The following BNIP3L variants were observed in gnomAD, a reference collection of about 807,000 sequenced individuals.
BNIP3L encodes the protein BCL2 interacting protein 3 like, also known as BCL2/adenovirus E1B 19 kDa protein-interacting protein 3-like.
In BNIP3L, 10 loss-of-function variants were observed where a neutral mutation model predicts 25.5. That is an observed-to-expected ratio of 0.39 (90% CI 0.24 to 0.67). The LOEUF (loss-of-function observed/expected upper bound fraction) is 0.67, where lower values mean the gene tolerates loss of function less well. Ranked by LOEUF, BNIP3L falls within the 30% of genes least tolerant of loss-of-function variation. BNIP3L has a pLI of 0.45. For missense variants in BNIP3L, 215 were observed against 270.9 expected (o/e 0.79, Z 1.45); for synonymous variants, 113 against 101.2 (o/e 1.12, Z -0.70).
chr8:26,402,445 G>GA, intron 3 of BNIP3L, among the ~76,000 whole-genome samples: 1 of 152,164 alleles, frequency 6.6e-6, no homozygotes, highest in East Asian at 1.9e-4. Context: ...TCCTGAGGAG[G>GA]ATTTCTTCAA....
At chr8:26,390,343 T>TG in intron 1 of BNIP3L, 1 of 984,568 alleles carries the variant, frequency 1.0e-6, no homozygotes, top group South Asian at 4.7e-5. Context: ...GAATTACCAG[T>TG]GGCACATCCC....
rs553762945 is a variant in BNIP3L, at chr8:26,403,193, C to T, written c.358-4807C>T. Among the ~76,000 whole-genome samples the T allele has an allele frequency of 1.6e-3, 250 of 152,102 alleles. 1 individual carries two copies. Among genetic ancestry groups the T allele is most frequent in the Non-Finnish European group, 2.9e-3 (200 of 67,998 alleles). On this transcript the variant is annotated intron_variant, in intron 3 of 5. Transcript: ENST00000380629. The stretch of plus-strand genomic sequence containing the variant: ...AAGAGTTTGGAAAGACAGCCTAACC[C>T]CTGTGAGAGATAACAGTTGAGTAGG...
In BNIP3L at chr8:26,412,830, G is replaced by A. The variant is rs1806660519; in HGVS notation, c.*2418G>A. 6.6e-6 allele frequency: 1 copy of A among 152,600 alleles called. No homozygotes were observed. Among genetic ancestry groups the A allele is most frequent in the Non-Finnish European group, 1.5e-5 (1 of 68,034 alleles). The allele number at this position is 152,600 out of a possible 1,614,324, so 9.5% of individuals were successfully genotyped here. On this transcript the variant is annotated 3_prime_UTR_variant, in exon 6 of 6. Transcript: ENST00000380629. ...TGTTTGATGAAAACTGGCTCAAGATGTTTGTAAATAGAATCAAGAGCAAAA... is the reference window on the plus strand; with the variant it reads ...TGTTTGATGAAAACTGGCTCAAGATATTTGTAAATAGAATCAAGAGCAAAA...
intron 2 of BNIP3L, among the ~76,000 whole-genome samples, chr8:26,393,790 TG>T (rs1417984902): frequency 6.6e-6 from 1 of 152,152 alleles, no homozygotes; most frequent in Non-Finnish European, 1.5e-5. Context: ...GGTTGACTCC[TG>T]TGCTAGTTCA....
rs985592342 is a variant in BNIP3L at position 26,411,795 on chromosome 8, CAT to C, written c.*1384_*1385del. On this transcript the variant is annotated 3_prime_UTR_variant, in exon 6 of 6. Coordinates refer to ENST00000380629, the MANE Select transcript of BNIP3L (RefSeq NM_004331.3). Reference sequence around the variant, plus strand: ...TCTAGCATGACTCTGAAGGATACCACATGTTTTATATATAAATAATTACTGTT... The same window carrying C: ...TCTAGCATGACTCTGAAGGATACCACGTTTTATATATAAATAATTACTGTT... 5 of 152,590 alleles carry C rather than the reference CAT, an allele frequency of 3.3e-5. No homozygotes were observed. In the South Asian group the frequency reaches 6.2e-4, roughly 19 times the overall value. The allele number at this position is 152,590 out of a possible 1,614,324, so 9.5% of individuals were successfully genotyped here.
At chr8:26,403,774 A>T (rs534661830) in intron 3 of BNIP3L, among the ~76,000 whole-genome samples, 24 of 152,144 alleles carry the variant, frequency 1.6e-4, no homozygotes, top group African/African-American at 5.8e-4. Flanking sequence ...TCCTGGCCTC[A>T]AATGATCCTC....
chr8:26,407,247 G>A (rs1270819329), intron 3 of BNIP3L, among the ~76,000 whole-genome samples: 4 of 150,872 alleles, frequency 2.7e-5, no homozygotes, highest in Non-Finnish European at 2.9e-5. Context: ...GTGTAGTGGC[G>A]CGATCTCTGC....
chr8:26,383,296 C>G, intron 1 of BNIP3L, 66 bp downstream of exon 1: 5 of 1,548,752 alleles, frequency 3.2e-6, no homozygotes, highest in African/African-American at 1.4e-5. Flanking sequence ...CCGCCGCCAC[C>G]GGCGCGGCGC....
intron 2 of BNIP3L, 137 bp downstream of exon 2, chr8:26,391,563 T>C: frequency 1.5e-6 from 1 of 654,126 alleles, no homozygotes; most frequent in Non-Finnish European, 2.3e-6. Context: ...TAATATATAT[T>C]GCACAGATAT....
At chr8:26,391,193 A>C (rs751582559) in intron 1 of BNIP3L, 50 bp from the exon 2 acceptor site, 8 of 1,489,482 alleles carry the variant, frequency 5.4e-6, no homozygotes, top group Non-Finnish European at 7.3e-6. Flanking sequence ...CTGTGTGCAC[A>C]TGACAGATTT....
intron 1 of BNIP3L, 26 bp from the exon 2 acceptor site, chr8:26,391,217 G>T (rs756421072): frequency 3.2e-6 from 5 of 1,550,878 alleles, no homozygotes; most frequent in Non-Finnish European, 4.4e-6. Flanking sequence ...TTCTGCTGTG[G>T]TTAACTTATC....
chr8:26,409,595 TG>T (rs1806575918), intron 5 of BNIP3L, among the ~76,000 whole-genome samples: 1 of 152,148 alleles, frequency 6.6e-6, no homozygotes, highest in Non-Finnish European at 1.5e-5. Context: ...GGGGTTGATG[TG>T]GGGCAGGTGT....
chr8:26,400,882 G>C (rs1319199411), intron 3 of BNIP3L, among the ~76,000 whole-genome samples: 1 of 140,208 alleles, frequency 7.1e-6, no homozygotes, highest in Non-Finnish European at 1.5e-5. Context: ...TCTCACACCA[G>C]TTAGAATGGC....
rs947935622 is a variant in BNIP3L at position 26,410,226 on chromosome 8, G to A, written c.612-138G>A. 4.5e-5 allele frequency: 38 copies of A among 851,102 alleles called. No homozygotes were observed. The African/African-American group carries it at 5.1e-4, about 11-fold the overall frequency. The allele number at this position is 851,102 out of a possible 1,614,324, so 52.7% of individuals were successfully genotyped here. On this transcript the variant is annotated intron_variant, in intron 5 of 5. Transcript: ENST00000380629. ...TTAAGAAAGTCAGTGATGATTTCAC[G>A]GTGTTTGGGGAGCGGTACCCACAAA... is the stretch of plus-strand genomic sequence containing the variant.
intron 5 of BNIP3L, 40 bp from the exon 6 acceptor site, chr8:26,410,324 G>A: frequency 1.9e-6 from 3 of 1,612,754 alleles, no homozygotes; most frequent in Middle Eastern, 1.7e-4. Context: ...GTATAGAACT[G>A]TTGAAACAGG....
At chr8:26,390,569 G>A (rs1225005502) in intron 1 of BNIP3L, 1 of 980,150 alleles carries the variant, frequency 1.0e-6, no homozygotes, top group African/African-American at 1.8e-5. Context: ...GAGATACAAA[G>A]GAAATGAAGA....
chr8:26,393,120 A>G (rs1318455910), intron 2 of BNIP3L, among the ~76,000 whole-genome samples: 2 of 151,912 alleles, frequency 1.3e-5, no homozygotes, highest in African/African-American at 2.4e-5. Context: ...GGGATAGCCT[A>G]CTAACACGCT....
chr8:26,395,029 C>A (rs964442161), intron 2 of BNIP3L, among the ~76,000 whole-genome samples: 31 of 152,148 alleles, frequency 2.0e-4, no homozygotes, highest in African/African-American at 7.0e-4. Context: ...AAGTGCAGAA[C>A]ATTTTGGGAG....
intron 3 of BNIP3L, among the ~76,000 whole-genome samples, chr8:26,404,876 AATTAG>A (rs1806464429): frequency 6.6e-6 from 1 of 152,218 alleles, no homozygotes; most frequent in African/African-American, 2.4e-5. Flanking sequence ...AATCTTACGT[AATTAG>A]ATTAAGTACA....
Sources: gnomAD v4.1 joint callset for allele counts (sites outside exome capture counted in the v4.1 genomes callset) on GRCh38, gnomAD v4.1.1 for gene constraint, MANE v1.5 for transcripts, NCBI Gene and HGNC (gene_info 2026-07-23, HGNC 2026-07-21) for gene names.